ATP8A1: variants seen among roughly 807,000 people sequenced by gnomAD.
ATP8A1 encodes ATPase phospholipid transporting 8A1.
In ATP8A1, 90 loss-of-function variants were observed where a neutral mutation model predicts 177.7. The ratio of observed to expected loss-of-function variants is 0.51; its 90% CI spans 0.43 to 0.60. ATP8A1 has a LOEUF of 0.60. Among genes scored for constraint, ATP8A1 ranks in the 20% least tolerant of loss-of-function variants. ATP8A1 has a pLI of 0.00. For synonymous variants in ATP8A1, 493 were observed against 485.9 expected, an observed-to-expected ratio of 1.01 and a Z score of -0.19; for missense variants, 1,072 against 1,392.8, an observed-to-expected ratio of 0.77 and a Z score of 3.67.
chr4:42,651,950 T>C (rs954774464), intron 1 of ATP8A1, among the ~76,000 whole-genome samples: 4 of 152,250 alleles, frequency 2.6e-5, no homozygotes, highest in Non-Finnish European at 4.4e-5. Flanking sequence ...ACCCATTTGA[T>C]TTATCTGGGG....
Position 42,455,525 on chromosome 4 carries a change from C to G in ATP8A1, c.2694G>C (p.Val898=). The stretch of plus-strand genomic sequence containing the variant: ...GAATTATCAAATGTCCTAAACTTAC[C>G]ACGTTATAGAGACCTATACACCATC... ...FERWCIGLYN[V]MFTAMPPLTL... The change falls in exon 28 of 37, where the codon GTG becomes GTC. Residue 898 remains valine (V), a splice_region_variant and synonymous_variant. Transcript: ENST00000381668. 1 of 1,613,524 alleles carries G rather than the reference C, an allele frequency of 6.2e-7. No individual in the cohort carries two copies. The highest frequency in any genetic ancestry group is 8.5e-7 in the Non-Finnish European group (1 of 1,179,694).
intron 25 of ATP8A1, among the ~76,000 whole-genome samples, chr4:42,479,378 C>T (rs775775218): frequency 9.2e-5 from 14 of 152,176 alleles, no homozygotes; most frequent in Non-Finnish European, 1.8e-4. Flanking sequence ...GGCTCAGATC[C>T]GTTTACTGAA....
chr4:42,462,722 C>A (rs1176042082), intron 27 of ATP8A1, among the ~76,000 whole-genome samples: 1 of 152,208 alleles, frequency 6.6e-6, no homozygotes, highest in African/African-American at 2.4e-5. Context: ...TCCTCCAGAC[C>A]TCAGAATGGT....
chr4:42,512,100 C>T (rs1285594854), intron 22 of ATP8A1, among the ~76,000 whole-genome samples: 1 of 152,166 alleles, frequency 6.6e-6, no homozygotes, highest in Non-Finnish European at 1.5e-5. Context: ...AAGTGCTTTA[C>T]ATTTAGTAAT....
intron 20 of ATP8A1, among the ~76,000 whole-genome samples, chr4:42,541,272 A>G (rs969601944): frequency 6.6e-5 from 10 of 152,234 alleles, no homozygotes; most frequent in African/African-American, 2.4e-4. Flanking sequence ...CATATGAAAA[A>G]ATGTTCAACA....
chr4:42,495,223 GA>G (rs1723141598), intron 24 of ATP8A1, among the ~76,000 whole-genome samples: 1 of 152,120 alleles, frequency 6.6e-6, no homozygotes, highest in African/African-American at 2.4e-5. Context: ...TGAATTAACG[GA>G]ACATTCTAGA....
intron 25 of ATP8A1, among the ~76,000 whole-genome samples, chr4:42,480,797 C>T (rs1012606336): frequency 6.6e-6 from 1 of 152,066 alleles, no homozygotes; most frequent in Non-Finnish European, 1.5e-5. Context: ...TTTTTATACA[C>T]TATGAGGAAA....
intron 15 of ATP8A1, among the ~76,000 whole-genome samples, chr4:42,557,170 G>T (rs193073226): frequency 4.6e-5 from 7 of 152,058 alleles, no homozygotes; most frequent in Non-Finnish European, 1.0e-4. Context: ...TCTCCAAATC[G>T]TAAGAAAATA....
chr4:42,569,243 A>G, intron 14 of ATP8A1, 38 bp from the exon 15 acceptor site: 1 of 1,553,966 alleles, frequency 6.4e-7, no homozygotes, highest in Non-Finnish European at 8.8e-7. Context: ...AGAGAGGAAA[A>G]ATAATCACAG....
intron 22 of ATP8A1, among the ~76,000 whole-genome samples, chr4:42,507,780 TAA>T: frequency 0.041 from 715 of 17,586 alleles, 8 homozygotes; most frequent in African/African-American, 0.081. Flanking sequence ...ACAGGCATTC[TAA>T]AAAAAAAAAA....
chr4:42,635,191 T>C (rs752893221), intron 1 of ATP8A1, among the ~76,000 whole-genome samples: 1 of 151,946 alleles, frequency 6.6e-6, no homozygotes, highest in Non-Finnish European at 1.5e-5. Flanking sequence ...GTCATCTGTA[T>C]GGGGTTATGC....
At chr4:42,423,773 T>C in intron 33 of ATP8A1, 68 bp from the exon 34 acceptor site, 1 of 1,099,746 alleles carries the variant, frequency 9.1e-7, no homozygotes, top group Non-Finnish European at 1.3e-6. Context: ...TTAGTTTTTA[T>C]GTATTTTTAA....
At chr4:42,518,081 T>A (rs1383930938) in intron 22 of ATP8A1, among the ~76,000 whole-genome samples, 1 of 152,116 alleles carries the variant, frequency 6.6e-6, no homozygotes, top group African/African-American at 2.4e-5. Flanking sequence ...ATGCTAGGAG[T>A]TACACTACCC....
chr4:42,524,961 G>A (rs113497257), intron 20 of ATP8A1, 114 bp from the exon 21 acceptor site: 1 of 572,560 alleles, frequency 1.7e-6, no homozygotes, highest in South Asian at 2.7e-5. Context: ...ATCTCTTTTG[G>A]CATTCGTTTT....
chr4:42,516,443 T>C (rs1725541444), intron 22 of ATP8A1, among the ~76,000 whole-genome samples: 1 of 151,722 alleles, frequency 6.6e-6, no homozygotes, highest in Non-Finnish European at 1.5e-5. Flanking sequence ...AAGAGAAAAA[T>C]AAAAATCTTA....
intron 25 of ATP8A1, among the ~76,000 whole-genome samples, chr4:42,473,055 G>A (rs1204318167): frequency 5.3e-5 from 8 of 152,210 alleles, no homozygotes; most frequent in Admixed American, 4.6e-4. Context: ...TTAGATAGTA[G>A]TGGGATACTC....
intron 33 of ATP8A1, among the ~76,000 whole-genome samples, chr4:42,438,877 G>A (rs1288695362): frequency 2.0e-5 from 3 of 152,118 alleles, no homozygotes; most frequent in Non-Finnish European, 2.9e-5. Flanking sequence ...TGAGTTTAGC[G>A]AAAACAAGGA....
intron 1 of ATP8A1, among the ~76,000 whole-genome samples, chr4:42,638,940 A>G (rs1227532018): frequency 1.3e-5 from 2 of 152,228 alleles, no homozygotes; most frequent in Non-Finnish European, 2.9e-5. Context: ...GTGGTAAAGT[A>G]GTAATGATAC....
At chr4:42,545,124 C>T (rs1394794949) in intron 19 of ATP8A1, among the ~76,000 whole-genome samples, 1 of 146,782 alleles carries the variant, frequency 6.8e-6, no homozygotes, top group Non-Finnish European at 1.5e-5. Context: ...TGCACCACTG[C>T]ACTCCAGCCT....
Sources: allele counts gnomAD v4.1 joint callset (sites outside exome capture counted in the v4.1 genomes callset), GRCh38; gene constraint gnomAD v4.1.1; transcripts MANE v1.5; gene names NCBI Gene and HGNC (gene_info 2026-07-23, HGNC 2026-07-21).